Variants in TANC2 observed in about 807,000 individuals in gnomAD.
The protein encoded by TANC2 is tetratricopeptide repeat, ankyrin repeat and coiled-coil containing 2.
In TANC2, 26 loss-of-function variants were observed where a neutral mutation model predicts 210.5. The observed-to-expected ratio is 0.12, with a 90% CI of 0.09 to 0.17. The LOEUF (loss-of-function observed/expected upper bound fraction) is 0.17. Among genes scored for constraint, TANC2 ranks in the 10% least tolerant of loss-of-function variants. The probability of loss-of-function intolerance (pLI) is 1.00; values close to 1 mark genes in which losing one functional copy is unlikely to be tolerated. For synonymous variants in TANC2, 931 were observed against 967.1 expected (o/e 0.96, Z 0.69); for missense variants, 2,129 against 2,608.9 (o/e 0.82, Z 4.01).
At chr17:63,149,823 T>G (rs2039587016) in intron 4 of TANC2, 1 of 152,158 alleles carries the variant, frequency 6.6e-6, no homozygotes, top group East Asian at 1.9e-4. Context: ...GTGAGAGTTC[T>G]GCTATTCCAA....
intron 5 of TANC2, among the ~76,000 whole-genome samples, chr17:63,158,123 T>A (rs2039900477): frequency 1.3e-5 from 2 of 152,194 alleles, no homozygotes; most frequent in African/African-American, 4.8e-5. Context: ...TTTTTCATAG[T>A]GGTGTCTAGT....
chr17:63,021,041 T>A (rs1258521738), intron 2 of TANC2, among the ~76,000 whole-genome samples: 1 of 152,062 alleles, frequency 6.6e-6, no homozygotes, highest in Non-Finnish European at 1.5e-5. Context: ...CCCAGATACC[T>A]CTTGAGGCCC....
chr17:63,190,674 A>G (rs930907565), intron 5 of TANC2, among the ~76,000 whole-genome samples: 2 of 152,134 alleles, frequency 1.3e-5, no homozygotes, highest in African/African-American at 4.8e-5. Flanking sequence ...GGGAGTATTG[A>G]TATCATAACA....
At chr17:63,037,358 T>A (rs1179016695) in intron 2 of TANC2, among the ~76,000 whole-genome samples, 1 of 152,074 alleles carries the variant, frequency 6.6e-6, no homozygotes, top group Admixed American at 6.6e-5. Flanking sequence ...AATTTAAAAC[T>A]TATGAATTGG....
At chr17:63,035,826 A>G (rs2034949670) in intron 2 of TANC2, among the ~76,000 whole-genome samples, 1 of 152,200 alleles carries the variant, frequency 6.6e-6, no homozygotes, top group Non-Finnish European at 1.5e-5. Context: ...CCCACCAGCA[A>G]CATATAAGAG....
At chr17:63,374,032 G>GTTTTTTTT (rs35801082) in intron 14 of TANC2, among the ~76,000 whole-genome samples, 34 of 93,516 alleles carry the variant, frequency 3.6e-4, no homozygotes, top group African/African-American at 4.7e-4. Flanking sequence ...GTTGTTGTTG[G>GTTTTTTTT]TTTTTTTTTT....
rs1286873668 is a variant in TANC2, at chr17:63,098,511, G to GTA, written c.140-663_140-662insAT. ...TCTCTCTCTCTCTCTCTCTCTCTCT[G>GTA]TGTGTATATATATATATATATATGT... On this transcript the variant is annotated intron_variant, in intron 3 of 27. Transcript: ENST00000689528. Among the ~76,000 whole-genome samples the GTA allele has an allele frequency of 8.3e-5, 6 of 72,618 alleles. 1 individual carries two copies. The highest frequency in any genetic ancestry group is 2.9e-4 in the African/African-American group (3 of 10,302). 47.6% of individuals were successfully genotyped at this position (72,618 alleles called of 152,430 possible). A position where few individuals can be genotyped will look rare whatever the true frequency, so the allele number is the denominator to read the frequency against.
In TANC2 at chr17:63,385,852, T is replaced by C. The variant is rs2047762168; in HGVS notation, c.2692-2783T>C. Among the ~76,000 whole-genome samples the C allele has an allele frequency of 2.0e-5, 3 of 152,220 alleles. No individual in the cohort carries two copies. In the South Asian group the frequency reaches 6.2e-4, roughly 31 times the overall value. ...ATCTTGTGGTGTGAGGGGTTAAAACTGGATTCTGTTTCAGCCTCCCAGCAT... is the reference window on the plus strand; with the variant it reads ...ATCTTGTGGTGTGAGGGGTTAAAACCGGATTCTGTTTCAGCCTCCCAGCAT... On this transcript the variant is annotated intron_variant, in intron 15 of 27. Transcript: ENST00000689528.
rs1227138477 is a variant in TANC2 at position 63,238,081 on chromosome 17, A to G, written c.1033+4A>G. ...CCACGGCCAAATTCAGTAGCAGGTAAGTTTTTGTTGTTGTTGTTGTTGTTG... is the reference window on the plus strand; with the variant it reads ...CCACGGCCAAATTCAGTAGCAGGTAGGTTTTTGTTGTTGTTGTTGTTGTTG... On this transcript the variant is annotated splice_donor_region_variant and intron_variant, in intron 8 of 27. Coordinates refer to ENST00000689528, the Ensembl canonical transcript of TANC2. 5 of 1,532,262 alleles carry G rather than the reference A, an allele frequency of 3.3e-6. No homozygotes were observed. The African/African-American group carries it at 4.2e-5, about 13-fold the overall frequency. The allele number at this position is 1,532,262 out of a possible 1,614,324, so 94.9% of individuals were successfully genotyped here.
chr17:63,347,913 G>A (rs562724493), intron 12 of TANC2, among the ~76,000 whole-genome samples: 5 of 152,134 alleles, frequency 3.3e-5, no homozygotes, highest in South Asian at 2.1e-4. Context: ...CTACAGAAGC[G>A]CACCATCATA....
intron 2 of TANC2, among the ~76,000 whole-genome samples, chr17:63,026,021 G>C (rs1249332298): frequency 6.6e-6 from 1 of 151,412 alleles, no homozygotes; most frequent in African/African-American, 2.4e-5. Flanking sequence ...GGACTCCTAT[G>C]CATGCTGCTC....
At chr17:63,095,856 G>T (rs1258121054) in intron 3 of TANC2, among the ~76,000 whole-genome samples, 1 of 152,170 alleles carries the variant, frequency 6.6e-6, no homozygotes, top group African/African-American at 2.4e-5. Context: ...GGACAAAGAA[G>T]ATGGAAGAAA....
intron 1 of TANC2, among the ~76,000 whole-genome samples, chr17:62,983,118 A>G (rs960726591): frequency 1.3e-4 from 20 of 152,160 alleles, no homozygotes; most frequent in Admixed American, 6.5e-4. Context: ...ATGCTCTTCA[A>G]TTTTGTTCAT....
intron 9 of TANC2, among the ~76,000 whole-genome samples, chr17:63,277,616 T>G (rs760317731): frequency 1.6e-4 from 24 of 151,806 alleles, no homozygotes; most frequent in Non-Finnish European, 1.5e-5. Context: ...TTACAGTTTA[T>G]TACCTTTAAA....
chr17:63,010,983 A>T (rs2033842674), intron 2 of TANC2, among the ~76,000 whole-genome samples: 1 of 152,102 alleles, frequency 6.6e-6, no homozygotes, highest in Non-Finnish European at 1.5e-5. Context: ...TTCATTGGTC[A>T]TTGGTGATGA....
chr17:63,200,355 CAAAAAAAA>C (rs10598629), intron 6 of TANC2, among the ~76,000 whole-genome samples: 3 of 93,814 alleles, frequency 3.2e-5, no homozygotes, highest in South Asian at 3.8e-4. Context: ...AACTCTGTCT[CAAAAAAAA>C]AAAAAAAAAA....
intron 12 of TANC2, among the ~76,000 whole-genome samples, chr17:63,347,979 G>A (rs2046470432): frequency 6.6e-6 from 1 of 152,046 alleles, no homozygotes; most frequent in African/African-American, 2.4e-5. Flanking sequence ...TGTTGCCCAG[G>A]CTGGTCTGGA....
At chr17:63,380,665 ATCTTAAACAGTTC>A (rs1386049099) in intron 15 of TANC2, among the ~76,000 whole-genome samples, 1 of 152,198 alleles carries the variant, frequency 6.6e-6, no homozygotes, top group Non-Finnish European at 1.5e-5. Flanking sequence ...GAATATGGGT[ATCTTAAACAGTTC>A]TCTGGGTCAG....
chr17:63,338,722 C>T (rs1256446002), intron 11 of TANC2, among the ~76,000 whole-genome samples: 1 of 152,194 alleles, frequency 6.6e-6, no homozygotes, highest in Admixed American at 6.5e-5. Context: ...CTCTGATTTC[C>T]ACTTTCCATA....
Sources: gnomAD v4.1 joint callset for allele counts (sites outside exome capture counted in the v4.1 genomes callset) on GRCh38, gnomAD v4.1.1 for gene constraint, MANE v1.5 for transcripts, NCBI Gene and HGNC (gene_info 2026-07-23, HGNC 2026-07-21) for gene names.